The following SLC14A2 variants were observed in gnomAD, a reference collection of about 807,000 sequenced individuals.
SLC14A2 encodes the protein solute carrier family 14 member 2, also known as urea transporter 2.
SLC14A2 carries 91 observed loss-of-function variants against 104.6 expected under a neutral mutation model. The observed-to-expected ratio is 0.87, with a 90% CI of 0.73 to 1.04. SLC14A2 has a LOEUF of 1.04. Ranked by LOEUF, SLC14A2 falls within the 50% of genes least tolerant of loss-of-function variation. SLC14A2 has a pLI of 0.00. For synonymous variants in SLC14A2, 476 were observed against 466.4 expected (o/e 1.02, Z -0.27); for missense variants, 1,189 against 1,156.0 (o/e 1.03, Z -0.41).
At chr18:45,391,312 A>G (rs1267715477) in intron 1 of SLC14A2, among the ~76,000 whole-genome samples, 1 of 152,176 alleles carries the variant, frequency 6.6e-6, no homozygotes, top group Non-Finnish European at 1.5e-5. Context: ...CACTTTCTTA[A>G]TCCAGTCTAT....
intron 1 of SLC14A2, among the ~76,000 whole-genome samples, chr18:45,360,343 G>C (rs12961790): frequency 0.018 from 2,788 of 152,314 alleles, 49 homozygotes; most frequent in Middle Eastern, 0.027. Context: ...AGAGACTCAA[G>C]GGTCTTCTAT....
At chr18:45,369,899 C>T (rs1008161994) in intron 1 of SLC14A2, among the ~76,000 whole-genome samples, 1 of 152,130 alleles carries the variant, frequency 6.6e-6, no homozygotes. Context: ...TGTGTTATAG[C>T]TGTTTCCCAG....
At chr18:45,381,120 C>T (rs867729289) in intron 1 of SLC14A2, among the ~76,000 whole-genome samples, 1 of 152,182 alleles carries the variant, frequency 6.6e-6, no homozygotes, top group Non-Finnish European at 1.5e-5. Context: ...GTTCTTGAAC[C>T]TTTCTGATAA....
At chr18:45,530,455 G>A (rs562158454) in intron 2 of SLC14A2, among the ~76,000 whole-genome samples, 4 of 152,192 alleles carry the variant, frequency 2.6e-5, no homozygotes, top group South Asian at 2.1e-4. Flanking sequence ...GTTGAATCTA[G>A]ACAGGTTTTC....
intron 1 of SLC14A2, among the ~76,000 whole-genome samples, chr18:45,259,481 A>G (rs943668882): frequency 2.6e-5 from 4 of 152,204 alleles, no homozygotes; most frequent in African/African-American, 9.7e-5. Flanking sequence ...AAAGATAGCT[A>G]CAGACTCAGG....
intron 2 of SLC14A2, among the ~76,000 whole-genome samples, chr18:45,586,006 G>A (rs1307071068): frequency 6.6e-6 from 1 of 152,202 alleles, no homozygotes; most frequent in Admixed American, 6.5e-5. Flanking sequence ...TGGGGAATAC[G>A]GAAGCAGACA....
intron 1 of SLC14A2, among the ~76,000 whole-genome samples, chr18:45,306,140 T>C (rs571220835): frequency 2.6e-4 from 39 of 152,218 alleles, no homozygotes; most frequent in African/African-American, 9.1e-4. Flanking sequence ...TTATGAGATA[T>C]TGGGCAGGAA....
intron 1 of SLC14A2, among the ~76,000 whole-genome samples, chr18:45,294,175 C>A (rs1454795704): frequency 6.6e-6 from 1 of 152,018 alleles, no homozygotes; most frequent in Middle Eastern, 3.2e-3. Flanking sequence ...ATTAAAATAT[C>A]AAATAGGCAG....
Position 45,569,586 on chromosome 18 carries a change from G to C in SLC14A2, c.-34-55045G>C, listed in dbSNP as rs548232190. On this transcript the variant is annotated intron_variant, in intron 2 of 20. Transcript: ENST00000586448. Reference sequence around the variant, plus strand: ...TATATCTGGGAAATCAATATTCTATGAAATAAGGATTTCAAGGAGAAAGTC... The same window carrying C: ...TATATCTGGGAAATCAATATTCTATCAAATAAGGATTTCAAGGAGAAAGTC... Among the ~76,000 whole-genome samples, 26 of 152,358 alleles carry C rather than the reference G, an allele frequency of 1.7e-4. No individual in the cohort carries two copies. In the South Asian group the frequency reaches 4.6e-3, roughly 27 times the overall value.
intron 1 of SLC14A2, among the ~76,000 whole-genome samples, chr18:45,297,387 T>A (rs1457829015): frequency 1.3e-5 from 2 of 152,236 alleles, no homozygotes; most frequent in African/African-American, 4.8e-5. Context: ...GTTAGCATCC[T>A]TCGACAGGAT....
At chr18:45,679,293 A>G (rs2046278433) in intron 19 of SLC14A2, among the ~76,000 whole-genome samples, 1 of 152,172 alleles carries the variant, frequency 6.6e-6, no homozygotes, top group Admixed American at 6.5e-5. Flanking sequence ...TTGTAAATCA[A>G]ATTCCTTTCT....
At chr18:45,182,681 T>C in the SLC14A2 span, among the ~76,000 whole-genome samples, 1 of 151,810 alleles carries the variant, frequency 6.6e-6, no homozygotes, top group Non-Finnish European at 1.5e-5. Context: ...AATACAAAAA[T>C]ATATAAAGCA....
chr18:45,682,384 C>A lies in SLC14A2; in HGVS notation c.2628C>A (p.Thr876=), dbSNP rs556254338. Residue 876 remains threonine, a synonymous_variant, in exon 20 of 20, where the codon ACC becomes ACA. Coordinates refer to ENST00000255226, the MANE Select transcript of SLC14A2 (RefSeq NM_007163.4). The part of the protein sequence containing the change: ...LSALTFLLLT[T]NNPAIYKLPL... ...CTCTCACCTTCCTGCTCCTGACGAC[C>A]AATAACCCCGCCATCTACAAGCTCC... 11 of 1,614,124 alleles carry A rather than the reference C, an allele frequency of 6.8e-6. No homozygotes were observed. In the South Asian group the frequency reaches 1.1e-4, roughly 16 times the overall value.
At chr18:45,654,358 A>G (rs942211503) in intron 10 of SLC14A2, among the ~76,000 whole-genome samples, 1 of 152,164 alleles carries the variant, frequency 6.6e-6, no homozygotes, top group African/African-American at 2.4e-5. Context: ...TGAGGACCAG[A>G]GACGCCGCCC....
intron 1 of SLC14A2, among the ~76,000 whole-genome samples, chr18:45,231,369 ATTTTTTATTT>A (rs2084173132): frequency 6.6e-6 from 1 of 151,868 alleles, no homozygotes; most frequent in South Asian, 2.1e-4. Flanking sequence ...TGCCTGGCTA[ATTTTTTATTT>A]TTTTGTAGAG....
At chr18:45,403,950 T>C (rs1267971194) in intron 1 of SLC14A2, among the ~76,000 whole-genome samples, 1 of 152,202 alleles carries the variant, frequency 6.6e-6, no homozygotes. Context: ...CCTTTCTCCC[T>C]ATATCTCTGT....
upstream of SLC14A2, among the ~76,000 whole-genome samples, chr18:45,614,409 G>A (rs1258444247): frequency 6.6e-6 from 1 of 152,242 alleles, no homozygotes; most frequent in African/African-American, 2.4e-5. Context: ...GGACTGCCTA[G>A]TGGAGCTGTG....
At chr18:45,661,289 T>C (rs1283854945) in intron 10 of SLC14A2, among the ~76,000 whole-genome samples, 2 of 152,226 alleles carry the variant, frequency 1.3e-5, no homozygotes, top group Non-Finnish European at 2.9e-5. Flanking sequence ...AACCGGTAAC[T>C]TTCCAGGTAG....
intron 2 of SLC14A2, among the ~76,000 whole-genome samples, chr18:45,610,326 T>C (rs553440290): frequency 2.0e-5 from 3 of 152,198 alleles, no homozygotes; most frequent in Non-Finnish European, 4.4e-5. Context: ...AGAAAGAGCA[T>C]AGACAGAAAG....
Sources: gnomAD v4.1 joint callset for allele counts (sites outside exome capture counted in the v4.1 genomes callset) on GRCh38, gnomAD v4.1.1 for gene constraint, MANE v1.5 for transcripts, NCBI Gene and HGNC (gene_info 2026-07-23, HGNC 2026-07-21) for gene names.